Variants in RAB38 observed in about 807,000 individuals in gnomAD.
RAB38 encodes the protein RAB38, member RAS oncogene family, also known as ras-related protein Rab-38.
RAB38 carries 15 observed loss-of-function variants against 18.4 expected under a neutral mutation model. The ratio of observed to expected loss-of-function variants is 0.82; its 90% confidence interval spans 0.55 to 1.26. The LOEUF is 1.26. Among genes scored for constraint, RAB38 ranks in the 50% most tolerant of loss-of-function variants. The pLI, the probability that RAB38 is intolerant of heterozygous loss-of-function variation, is 0.00. For missense variants in RAB38, 294 were observed against 267.4 expected (o/e 1.10, Z -0.69); for synonymous variants, 101 against 104.4 (o/e 0.97, Z 0.20).
At chr11:87,903,925 T>C in the RAB38 span, among the ~76,000 whole-genome samples, 3 of 151,722 alleles carry the variant, frequency 2.0e-5, no homozygotes, top group African/African-American at 7.2e-5. Context: ...TTTCTTTTTC[T>C]TTATTTGTCT....
chr11:88,046,403 C>T, the RAB38 span, among the ~76,000 whole-genome samples: 41 of 152,210 alleles, frequency 2.7e-4, no homozygotes, highest in Admixed American at 2.6e-3. Context: ...CAATACCTCT[C>T]TCCACAACCC....
the RAB38 span, among the ~76,000 whole-genome samples, chr11:87,937,183 G>A: frequency 6.6e-6 from 1 of 151,156 alleles, no homozygotes; most frequent in African/African-American, 2.4e-5. Flanking sequence ...TAGGTCAAAT[G>A]CCTTTTCTGC....
chr11:87,851,461 G>T, the RAB38 span, among the ~76,000 whole-genome samples: 1 of 152,188 alleles, frequency 6.6e-6, no homozygotes, highest in Non-Finnish European at 1.5e-5. Context: ...GGCATTTCAT[G>T]CCTAAACGAG....
chr11:88,048,865 T>A, the RAB38 span, among the ~76,000 whole-genome samples: 1 of 152,164 alleles, frequency 6.6e-6, no homozygotes, highest in Non-Finnish European at 1.5e-5. Flanking sequence ...ATGCTGAACC[T>A]CCTTAGGCAC....
chr11:87,927,825 A>G, the RAB38 span, among the ~76,000 whole-genome samples: 1 of 151,960 alleles, frequency 6.6e-6, no homozygotes, highest in African/African-American at 2.4e-5. Context: ...CCAGCACTTT[A>G]GGAGGCTGAG....
chr11:88,152,725 A>G (rs1307619862), intron 1 of RAB38, among the ~76,000 whole-genome samples: 1 of 152,160 alleles, frequency 6.6e-6, no homozygotes, highest in Non-Finnish European at 1.5e-5. Flanking sequence ...CAAAGTAGAG[A>G]CCTGATGAAT....
At chr11:88,041,221 T>C in the RAB38 span, among the ~76,000 whole-genome samples, 1 of 152,260 alleles carries the variant, frequency 6.6e-6, no homozygotes, top group Non-Finnish European at 1.5e-5. Flanking sequence ...ATCCATACTC[T>C]GTAGCATGGC....
At chr11:87,905,526 T>C in the RAB38 span, among the ~76,000 whole-genome samples, 1 of 151,920 alleles carries the variant, frequency 6.6e-6, no homozygotes, top group Non-Finnish European at 1.5e-5. Flanking sequence ...CTTTTTTATA[T>C]TAAGAATTGT....
At chr11:87,878,222 T>TATATATATATATACACACACAC in the RAB38 span, among the ~76,000 whole-genome samples, 2 of 116,206 alleles carry the variant, frequency 1.7e-5, no homozygotes, top group African/African-American at 9.0e-5. Flanking sequence ...TATATATATA[T>TATATATATATATACACACACAC]ACACACATAT....
chr11:88,095,331 A>C, the RAB38 span, among the ~76,000 whole-genome samples: 1 of 151,792 alleles, frequency 6.6e-6, no homozygotes, highest in African/African-American at 2.4e-5. Flanking sequence ...TCTCTACTGA[A>C]ACTCTTCTGT....
chr11:88,052,926 A>T, the RAB38 span, among the ~76,000 whole-genome samples: 2 of 24,614 alleles, frequency 8.1e-5, 1 homozygote, highest in African/African-American at 5.0e-4. Context: ...ATATATATAT[A>T]TATATATATA....
chr11:87,970,698 T>C, the RAB38 span, among the ~76,000 whole-genome samples: 3 of 152,202 alleles, frequency 2.0e-5, no homozygotes, highest in Middle Eastern at 3.4e-3. Flanking sequence ...AGAAGGGCGC[T>C]AGGGTGAAGG....
the RAB38 span, among the ~76,000 whole-genome samples, chr11:87,852,726 T>C: frequency 1.3e-5 from 2 of 152,176 alleles, no homozygotes; most frequent in Admixed American, 6.6e-5. Flanking sequence ...GGTTTACATA[T>C]CGAGACAGTA....
the RAB38 span, among the ~76,000 whole-genome samples, chr11:88,094,529 TTCAAC>T: frequency 6.6e-6 from 1 of 151,924 alleles, no homozygotes. Context: ...TTTACTGTCC[TTCAAC>T]TCCTCATGTC....
chr11:88,150,393 C>T (rs1401165751), intron 1 of RAB38, among the ~76,000 whole-genome samples: 2 of 152,162 alleles, frequency 1.3e-5, no homozygotes, highest in African/African-American at 4.8e-5. Context: ...CAGTATAGAA[C>T]ATTCGATTGG....
the RAB38 span, among the ~76,000 whole-genome samples, chr11:87,948,003 G>C: frequency 1.3e-5 from 2 of 152,246 alleles, no homozygotes; most frequent in African/African-American, 4.8e-5. Context: ...CCATTTTCAT[G>C]ATATTGATTC....
intron 2 of RAB38, among the ~76,000 whole-genome samples, chr11:88,129,523 C>T (rs996105327): frequency 1.2e-4 from 19 of 152,158 alleles, no homozygotes; most frequent in African/African-American, 3.6e-4. Flanking sequence ...TGCGTGTAAA[C>T]TCAGCTATTC....
chr11:88,061,856 T>C, the RAB38 span: 21 of 152,288 alleles, frequency 1.4e-4, no homozygotes, highest in African/African-American at 4.6e-4. Context: ...GTTGTCTTCA[T>C]ATGGCTGCAA....
At chr11:88,123,951 T>A (rs139592198) in intron 2 of RAB38, among the ~76,000 whole-genome samples, 53 of 152,320 alleles carry the variant, frequency 3.5e-4, no homozygotes, top group African/African-American at 1.3e-3. Flanking sequence ...GAGAGTTAAT[T>A]TTTTTCTTAT....
Sources: allele counts gnomAD v4.1 joint callset (sites outside exome capture counted in the v4.1 genomes callset), GRCh38; gene constraint gnomAD v4.1.1; transcripts MANE v1.5; gene names NCBI Gene and HGNC (gene_info 2026-07-23, HGNC 2026-07-21).